The following NPAS3 variants were observed in gnomAD, a reference collection of about 807,000 sequenced individuals.
NPAS3 encodes neuronal PAS domain protein 3, also known as neuronal PAS domain-containing protein 3.
In NPAS3, 14 loss-of-function variants were observed where a neutral mutation model predicts 73.1. That is an observed-to-expected ratio of 0.19 (90% confidence interval 0.13 to 0.30). The LOEUF is 0.30. Ranked by LOEUF, NPAS3 falls within the 10% of genes least tolerant of loss-of-function variation. NPAS3 has a pLI of 1.00. For synonymous variants in NPAS3, 620 were observed against 541.5 expected (o/e 1.14, Z -2.01); for missense variants, 1,096 against 1,250.0 (o/e 0.88, Z 1.86).
chr14:33,723,217 A>G (rs145182811), intron 6 of NPAS3, among the ~76,000 whole-genome samples: 6 of 152,242 alleles, frequency 3.9e-5, no homozygotes, highest in Non-Finnish European at 5.9e-5. Flanking sequence ...AAAGAAATGT[A>G]TCTTGGGCCA....
At chr14:33,078,189 AT>A (rs1470482172) in intron 2 of NPAS3, among the ~76,000 whole-genome samples, 4 of 152,220 alleles carry the variant, frequency 2.6e-5, no homozygotes, top group Admixed American at 2.0e-4. Flanking sequence ...GAAAAAGAAA[AT>A]ACATATAGTT....
intron 2 of NPAS3, among the ~76,000 whole-genome samples, chr14:33,142,078 G>A (rs892790583): frequency 6.7e-6 from 1 of 150,146 alleles, no homozygotes; most frequent in African/African-American, 2.4e-5. Flanking sequence ...GAACTTTAGT[G>A]ATTTTAATTA....
chr14:33,496,668 C>G (rs2052210681), intron 4 of NPAS3, among the ~76,000 whole-genome samples: 1 of 152,146 alleles, frequency 6.6e-6, no homozygotes, highest in South Asian at 2.1e-4. Flanking sequence ...GCTAAAAACT[C>G]TCAATAAACT....
At chr14:33,687,790 C>T (rs749131411) in intron 6 of NPAS3, among the ~76,000 whole-genome samples, 8 of 152,088 alleles carry the variant, frequency 5.3e-5, no homozygotes, top group South Asian at 4.1e-4. Flanking sequence ...TGAATGCATG[C>T]GCCAGGCTTT....
chr14:33,135,031 A>G (rs994860681), intron 2 of NPAS3, among the ~76,000 whole-genome samples: 19 of 152,160 alleles, frequency 1.2e-4, no homozygotes, highest in African/African-American at 4.3e-4. Context: ...CTTTCATTGC[A>G]TATTATGTCT....
chr14:33,269,928 G>C (rs1176469017), intron 3 of NPAS3, among the ~76,000 whole-genome samples: 4 of 152,120 alleles, frequency 2.6e-5, no homozygotes, highest in Non-Finnish European at 5.9e-5. Flanking sequence ...GAGGTGTCTT[G>C]GGGTCTGATT....
chr14:33,117,651 C>T (rs1250312026), intron 2 of NPAS3, among the ~76,000 whole-genome samples: 9 of 152,036 alleles, frequency 5.9e-5, no homozygotes, highest in Non-Finnish European at 7.4e-5. Context: ...TTGTAAAAGG[C>T]CATACATTTC....
chr14:33,536,652 A>C (rs748529304), intron 4 of NPAS3, among the ~76,000 whole-genome samples: 6 of 151,394 alleles, frequency 4.0e-5, no homozygotes, highest in Admixed American at 2.6e-4. Context: ...CCATTTGAGA[A>C]CTGGTTTTCA....
At chr14:33,453,264 T>A (rs1358447075) in intron 4 of NPAS3, among the ~76,000 whole-genome samples, 1 of 152,200 alleles carries the variant, frequency 6.6e-6, no homozygotes, top group African/African-American at 2.4e-5. Context: ...CTGGTGTGAT[T>A]GAGTTTTAAT....
intron 2 of NPAS3, among the ~76,000 whole-genome samples, chr14:33,139,369 A>G (rs1324658467): frequency 6.6e-6 from 1 of 152,166 alleles, no homozygotes; most frequent in Non-Finnish European, 1.5e-5. Context: ...TATTCACTAC[A>G]TTGTTACTTC....
At position 33,734,014 on chromosome 14, in the gene NPAS3, A is replaced by G. The variant is rs139976674; in HGVS notation, c.734-1200A>G. On this transcript the variant is annotated intron_variant, in intron 6 of 11. Transcript: ENST00000356141. ...AAAGAGATTACTCACCCTTAGAAAT[A>G]TATGGAATGCATTTCATACTTCAAA... Among the ~76,000 whole-genome samples, 1,290 of 152,308 alleles carry G rather than the reference A, an allele frequency of 8.5e-3. 10 individuals carry two copies. Among genetic ancestry groups the G allele is most frequent in the Non-Finnish European group, 0.012 (805 of 68,028 alleles).
At chr14:33,393,556 A>G (rs762826798) in intron 4 of NPAS3, among the ~76,000 whole-genome samples, 2 of 152,158 alleles carry the variant, frequency 1.3e-5, no homozygotes, top group Non-Finnish European at 2.9e-5. Context: ...ACTGTTCCCA[A>G]AAAAGGTCGG....
At chr14:33,688,023 A>C (rs1164231021) in intron 6 of NPAS3, among the ~76,000 whole-genome samples, 2 of 152,234 alleles carry the variant, frequency 1.3e-5, no homozygotes, top group Non-Finnish European at 2.9e-5. Flanking sequence ...GTAAAGTCTA[A>C]TACAGCACTT....
rs570509813 is a variant in NPAS3, at chr14:33,641,767, A to G, written c.559-34444A>G. ...TTCCTTTCATGAAAAATATATTACT[A>G]TTGTGCCAAGGTTTGATGCCTATAT... On this transcript the variant is annotated intron_variant, in intron 5 of 11. Coordinates refer to ENST00000356141, the Ensembl canonical transcript of NPAS3. 4.6e-5 allele frequency among the ~76,000 whole-genome samples: 7 copies of G among 151,464 alleles called. No individual in the cohort carries two copies. The East Asian group carries it at 1.4e-3, about 30-fold the overall frequency.
rs373365042 is a variant in NPAS3, at chr14:33,328,335, CT to C, written c.386-38849del. Among the ~76,000 whole-genome samples, 848 of 148,156 alleles carry C rather than the reference CT, an allele frequency of 5.7e-3. 11 individuals carry two copies. The highest frequency in any genetic ancestry group is 0.02 in the African/African-American group (810 of 40,236). On this transcript the variant is annotated intron_variant, in intron 3 of 11. Coordinates refer to ENST00000356141, the Ensembl canonical transcript of NPAS3. ...ATTATGTTTTCTTATTGAGGTTAGG[CT>C]TATCTTCGTATTCTTATTTGTTCAC...
chr14:33,408,980 A>G (rs891715262), intron 4 of NPAS3, among the ~76,000 whole-genome samples: 2 of 152,214 alleles, frequency 1.3e-5, no homozygotes, highest in African/African-American at 2.4e-5. Context: ...TGCTTAAGCA[A>G]TGGCAAAACT....
intron 4 of NPAS3, among the ~76,000 whole-genome samples, chr14:33,379,437 T>A (rs1428191173): frequency 1.3e-5 from 2 of 152,238 alleles, no homozygotes; most frequent in Non-Finnish European, 2.9e-5. Flanking sequence ...ACCTCTCTGG[T>A]AATGTGTGTA....
At chr14:33,689,080 T>A (rs2060165756) in intron 6 of NPAS3, among the ~76,000 whole-genome samples, 1 of 152,234 alleles carries the variant, frequency 6.6e-6, no homozygotes, top group Non-Finnish European at 1.5e-5. Flanking sequence ...GCTAGCTCTG[T>A]ATCAGGTACA....
intron 2 of NPAS3, among the ~76,000 whole-genome samples, chr14:33,176,724 A>C (rs2045601416): frequency 1.3e-5 from 2 of 152,224 alleles, no homozygotes; most frequent in African/African-American, 4.8e-5. Flanking sequence ...CATTATTTTG[A>C]AGATATACCT....
Sources: gnomAD v4.1 joint callset for allele counts (sites outside exome capture counted in the v4.1 genomes callset) on GRCh38, gnomAD v4.1.1 for gene constraint, MANE v1.5 for transcripts, NCBI Gene and HGNC (gene_info 2026-07-23, HGNC 2026-07-21) for gene names.